The following PON2 variants were observed in gnomAD, a reference collection of about 807,000 sequenced individuals.
PON2 encodes paraoxonase 2, also known as serum paraoxonase/arylesterase 2.
PON2 carries 27 observed loss-of-function variants against 36.6 expected under a neutral mutation model. That is an observed-to-expected ratio of 0.74 (90% confidence interval 0.54 to 1.02). The LOEUF (loss-of-function observed/expected upper bound fraction) is 1.02. PON2 is among the 50% of genes least tolerant of loss of function. PON2 has a pLI of 0.00. For synonymous variants in PON2, 149 were observed against 156.3 expected (o/e 0.95, Z 0.35); for missense variants, 363 against 421.1 (o/e 0.86, Z 1.21).
Position 95,412,389 on chromosome 7 carries a change from G to A in PON2, c.290C>T (p.Ala97Val). The change falls in exon 4 of 9, where the codon GCA (alanine) becomes GTA (valine). Residue 97 changes from alanine to valine, a missense_variant. Transcript: ENST00000222572. ...CCCACGACTGATTCTTAATTCCCGT[G>A]CCCTTGGTTTTTCTTCTTTTAGATC... ...MMDLKEEKPR[A>V]RELRISRGFD... is the part of the protein sequence containing the mutation. 6.2e-7 allele frequency: 1 copy of A among 1,614,106 alleles called. No homozygotes were observed. The highest frequency in any genetic ancestry group is 8.5e-7 in the Non-Finnish European group (1 of 1,180,004).
At chr7:95,411,831 C>G in intron 4 of PON2, 52 bp from the exon 5 acceptor site, 1 of 1,594,282 alleles carries the variant, frequency 6.3e-7, no homozygotes, top group African/African-American at 1.3e-5. Flanking sequence ...TACGGGACCT[C>G]TGGGCAGGCA....
chr7:95,406,009 T>G, intron 8 of PON2, 110 bp downstream of exon 8: 1 of 1,282,834 alleles, frequency 7.8e-7, no homozygotes, highest in Non-Finnish European at 1.1e-6. Context: ...ATAAGCTTAT[T>G]ATATTATTGC....
intron 2 of PON2, among the ~76,000 whole-genome samples, chr7:95,422,242 AG>A (rs1203954369): frequency 3.3e-5 from 5 of 152,228 alleles, no homozygotes; most frequent in Non-Finnish European, 7.3e-5. Flanking sequence ...GGAATGAAGA[AG>A]GTTGTGAAAT....
chr7:95,407,157 C>T (rs1189601862), intron 6 of PON2, 89 bp from the exon 7 acceptor site: 4 of 841,720 alleles, frequency 4.8e-6, no homozygotes, highest in Admixed American at 2.2e-5. Context: ...AATAACCTGC[C>T]AAGAAGTTAA....
intron 3 of PON2, chr7:95,413,115 C>CAAAAAAAAA (rs57147177): frequency 1.6e-5 from 1 of 63,404 alleles, no homozygotes; most frequent in African/African-American, 5.7e-5. Context: ...TCTGTCTCTA[C>CAAAAAAAAA]AAAAAAAAAA....
chr7:95,433,564 C>G (rs1427802188), intron 1 of PON2, among the ~76,000 whole-genome samples: 2 of 152,054 alleles, frequency 1.3e-5, no homozygotes, highest in Non-Finnish European at 2.9e-5. Context: ...CAAAACCCAC[C>G]AATATTTCCC....
intron 2 of PON2, among the ~76,000 whole-genome samples, chr7:95,417,690 G>GACACACACACACACACACACACAC (rs555142509): frequency 1.1e-5 from 1 of 93,814 alleles, no homozygotes; most frequent in African/African-American, 3.7e-5. Context: ...TGTACACACA[G>GACACACACACACACACACACACAC]ACACACACAC....
chr7:95,434,727 TG>T, intron 1 of PON2, 150 bp downstream of exon 1: 1 of 777,456 alleles, frequency 1.3e-6, no homozygotes, highest in Non-Finnish European at 2.0e-6. Context: ...TTCAACTAGC[TG>T]GGGGAGGGAC....
At chr7:95,407,519 T>C (rs1809731909) in intron 6 of PON2, among the ~76,000 whole-genome samples, 1 of 152,200 alleles carries the variant, frequency 6.6e-6, no homozygotes. Context: ...ACATAGCGAA[T>C]TTTAAGAGTA....
intron 5 of PON2, 65 bp downstream of exon 5, chr7:95,411,588 C>T (rs1788925315): frequency 6.3e-7 from 1 of 1,589,356 alleles, no homozygotes. Flanking sequence ...GACAGGACAA[C>T]CCACCATAGG....
In PON2 at chr7:95,435,001, G is replaced by T; in HGVS notation, c.-50C>A. 6.7e-7 allele frequency: 1 copy of T among 1,484,568 alleles called. No homozygotes were observed. 92.0% of individuals were successfully genotyped at this position (1,484,568 alleles called of 1,614,324 possible). On this transcript the variant is annotated 5_prime_UTR_variant, in exon 1 of 9. Coordinates refer to ENST00000222572, the MANE Select transcript of PON2 (RefSeq NM_000305.3). ...TCGCTCCGGCCTGGCCAGCAGCTCCGTGGGCGGTGCCATCTTCCCGGCTCG... is the reference window on the plus strand; with the variant it reads ...TCGCTCCGGCCTGGCCAGCAGCTCCTTGGGCGGTGCCATCTTCCCGGCTCG...
chr7:95,431,725 T>C (rs938737442), intron 1 of PON2, among the ~76,000 whole-genome samples: 40 of 152,044 alleles, frequency 2.6e-4, no homozygotes, highest in African/African-American at 8.0e-4. Flanking sequence ...CGGCCAAACA[T>C]GCTCCTTTTT....
rs1365806824 is a variant in PON2, at chr7:95,424,512, T to G, written c.145+3A>C. ...TGCCCAACAAGCATTTTCATATACA[T>G]ACCAATTCCTTTAATCAGGTGGCAG... On this transcript the variant is annotated splice_donor_region_variant and intron_variant, in intron 2 of 8. Transcript: ENST00000222572. The G allele has an allele frequency of 1.2e-6, 2 of 1,610,076 alleles. No individual in the cohort carries two copies. Among genetic ancestry groups the G allele is most frequent in the Non-Finnish European group, 1.7e-6 (2 of 1,176,546 alleles).
At chr7:95,426,370 T>TA (rs1168169064) in intron 1 of PON2, among the ~76,000 whole-genome samples, 19 of 152,194 alleles carry the variant, frequency 1.2e-4, no homozygotes, top group Non-Finnish European at 2.6e-4. Flanking sequence ...AAATAAATAA[T>TA]AAAAAAGTAT....
At chr7:95,422,580 G>T (rs17876100) in intron 2 of PON2, among the ~76,000 whole-genome samples, 4,690 of 152,198 alleles carry the variant, frequency 0.031, 241 homozygotes, top group African/African-American at 0.11. Context: ...TGCATAATTT[G>T]ACCTCACTTA....
chr7:95,409,739 C>T (rs2116457819), intron 6 of PON2, 162 bp downstream of exon 6: 1 of 226,076 alleles, frequency 4.4e-6, no homozygotes, highest in Admixed American at 5.9e-5. Flanking sequence ...AATATATATA[C>T]AAAACATATA....
chr7:95,425,961 A>G (rs980029723), intron 1 of PON2, among the ~76,000 whole-genome samples: 1 of 152,164 alleles, frequency 6.6e-6, no homozygotes. Context: ...CTCATGGCCT[A>G]CGTGTCACAG....
intron 2 of PON2, among the ~76,000 whole-genome samples, chr7:95,417,355 C>T (rs901479965): frequency 3.9e-5 from 6 of 152,094 alleles, no homozygotes; most frequent in African/African-American, 1.4e-4. Context: ...GCCTGCTCCT[C>T]AGAAAGAAGA....
At chr7:95,426,303 G>A (rs1789315744) in intron 1 of PON2, among the ~76,000 whole-genome samples, 1 of 152,184 alleles carries the variant, frequency 6.6e-6, no homozygotes. Context: ...TAATGTGGTA[G>A]TAATCTTAAT....
Sources: gnomAD v4.1 joint callset for allele counts (sites outside exome capture counted in the v4.1 genomes callset) on GRCh38, gnomAD v4.1.1 for gene constraint, MANE v1.5 for transcripts, NCBI Gene and HGNC (gene_info 2026-07-23, HGNC 2026-07-21) for gene names.